The following NR4A2 variants were observed in gnomAD, a reference collection of about 807,000 sequenced individuals.
The protein encoded by NR4A2 is NGFI-B/nur77 beta-type transcription factor homolog.
A neutral mutation model predicts 50.5 loss-of-function variants in NR4A2; 1 was observed. That is an observed-to-expected ratio of 0.02 (90% CI 0.01 to 0.09). The LOEUF (loss-of-function observed/expected upper bound fraction) is 0.09. Among genes scored for constraint, NR4A2 ranks in the 10% least tolerant of loss-of-function variants. The pLI is 1.00. For missense variants in NR4A2, 613 were observed against 777.3 expected, an observed-to-expected ratio of 0.79 and a Z score of 2.51; for synonymous variants, 328 against 309.4, an observed-to-expected ratio of 1.06 and a Z score of -0.63.
Position 156,327,020 on chromosome 2 carries a change from A to G in NR4A2, c.1159-100T>C, listed in dbSNP as rs965408473. The stretch of plus-strand genomic sequence containing the variant: ...CTAATAGGGGAGCCAGGTTTTTATA[A>G]CAATTAAACCTCTCTCTGACCAGTA... On this transcript the variant is annotated intron_variant, in intron 5 of 7. Transcript: ENST00000339562. 2.8e-6 allele frequency: 3 copies of G among 1,065,348 alleles called. No individual in the cohort carries two copies. The African/African-American group carries it at 4.7e-5, about 17-fold the overall frequency. The allele number at this position is 1,065,348 out of a possible 1,614,324, so 66.0% of individuals were successfully genotyped here. A position where few individuals can be genotyped will look rare whatever the true frequency, so the allele number is the denominator to read the frequency against.
In NR4A2 at chr2:156,328,918, T is replaced by A. The variant is rs1686777220; in HGVS notation, c.865-385A>T. 6.6e-6 allele frequency among the ~76,000 whole-genome samples: 1 copy of A among 152,176 alleles called. No individual in the cohort carries two copies. Among genetic ancestry groups the A allele is most frequent in the Non-Finnish European group, 1.5e-5 (1 of 68,028 alleles). On this transcript the variant is annotated intron_variant, in intron 3 of 7. Transcript: ENST00000339562. This position sits in a 1 kb window ranked among gnomAD's most constrained non-coding sequence, Gnocchi z 4.9. ...CAATCAGGATGGCGAAATAAAGAGA[T>A]CACTTAATTTGACCATAGGGAATTC...
rs1686895816 is a variant in NR4A2, at chr2:156,330,933, C to G, written c.-126-142G>C. On this transcript the variant is annotated intron_variant, in intron 1 of 7. Coordinates refer to ENST00000339562, the MANE Select transcript of NR4A2 (RefSeq NM_006186.4). ...AGTGGGAAGCCTTTACCAAACATAGCACTTAAAATGAATGTATAAAAGAAA... is the reference window on the plus strand; with the variant it reads ...AGTGGGAAGCCTTTACCAAACATAGGACTTAAAATGAATGTATAAAAGAAA... 8.3e-6 allele frequency: 5 copies of G among 604,538 alleles called. No homozygotes were observed. In the African/African-American group the frequency reaches 9.5e-5, roughly 12 times the overall value. The allele number at this position is 604,538 out of a possible 1,614,324, so 37.4% of individuals were successfully genotyped here. A position where few individuals can be genotyped will look rare whatever the true frequency, so the allele number is the denominator to read the frequency against.
chr2:156,326,455 T>C lies in NR4A2; in HGVS notation c.1362-127A>G. On this transcript the variant is annotated intron_variant, in intron 6 of 7. Coordinates refer to ENST00000339562, the MANE Select transcript of NR4A2 (RefSeq NM_006186.4). The surrounding 1 kb of genome is among the most constrained non-coding windows in gnomAD (Gnocchi z 4.2). The stretch of plus-strand genomic sequence containing the variant: ...TAATTACTGAAGAGTTAATAAAATG[T>C]AGACCAGTGGACCTTGAAAGGGTTT... 1 of 972,472 alleles carries C rather than the reference T, an allele frequency of 1.0e-6. No individual in the cohort carries two copies. The highest frequency in any genetic ancestry group is 2.5e-5 in the East Asian group (1 of 39,522). The allele number at this position is 972,472 out of a possible 1,614,324, so 60.2% of individuals were successfully genotyped here.
chr2:156,325,773 T>C lies in NR4A2; in HGVS notation c.1768A>G (p.Lys590Glu), dbSNP rs1391354584. The C allele has an allele frequency of 6.2e-7, 1 of 1,614,154 alleles. No homozygotes were observed. The highest frequency in any genetic ancestry group is 1.7e-5 in the Admixed American group (1 of 60,034). The change falls in exon 8 of 8, where the codon AAA becomes GAA. Residue 590 changes from lysine to glutamate, a missense_variant. Coordinates refer to ENST00000339562, the MANE Select transcript of NR4A2 (RefSeq NM_006186.4). ...AAAGGTAAAGTGTCCAGGAAAAGTTTGTCAATTATTGCTGGCGGTGGCACC... is the reference window on the plus strand; with the variant it reads ...AAAGGTAAAGTGTCCAGGAAAAGTTCGTCAATTATTGCTGGCGGTGGCACC... ...DLVPPPAIID[K>E]LFLDTLPF
chr2:156,332,409 G>T (rs752781368), intron 1 of NR4A2, 71 bp downstream of exon 1: 82 of 1,210,246 alleles, frequency 6.8e-5, no homozygotes, highest in Non-Finnish European at 8.6e-5. Context: ...CCACACAAGT[G>T]GAAAGAAGAG....
Position 156,325,962 on chromosome 2 carries a change from G to A in NR4A2, c.1579C>T (p.Leu527=). The A allele has an allele frequency of 1.2e-6, 2 of 1,614,184 alleles. No homozygotes were observed. The highest frequency in any genetic ancestry group is 3.3e-4 in the Middle Eastern group (2 of 6,062). Residue 527 remains leucine, a synonymous_variant, in exon 8 of 8, where the codon CTG becomes TTG. Coordinates refer to ENST00000339562, the MANE Select transcript of NR4A2 (RefSeq NM_006186.4). ...GLKEPKRVEE[L]QNKIVNCLKD... ...AGACAATTTACAATCTTGTTTTGCAGTTCTTCCACTCTCTTGGGTTCCTTG... is the reference window on the plus strand; with the variant it reads ...AGACAATTTACAATCTTGTTTTGCAATTCTTCCACTCTCTTGGGTTCCTTG...
rs1686736025 is a variant in NR4A2, at chr2:156,328,074, G to C, written c.995-60C>G. 1 of 1,564,546 alleles carries C rather than the reference G, an allele frequency of 6.4e-7. No individual in the cohort carries two copies. The highest frequency in any genetic ancestry group is 8.7e-7 in the Non-Finnish European group (1 of 1,153,032). ...CGAGCCCAGGCCCAGCTGCTGCCTCGGTCCCTCCCCGGGGAAGGCCGCAGC... is the reference window on the plus strand; with the variant it reads ...CGAGCCCAGGCCCAGCTGCTGCCTCCGTCCCTCCCCGGGGAAGGCCGCAGC... On this transcript the variant is annotated intron_variant, in intron 4 of 7. Transcript: ENST00000339562. This position sits in a 1 kb window ranked among gnomAD's most constrained non-coding sequence, Gnocchi z 4.9.
chr2:156,332,601 T>C lies in NR4A2; in HGVS notation c.-248A>G, dbSNP rs1686983713. The C allele has an allele frequency of 5.3e-5, 43 of 806,240 alleles. 1 individual carries two copies. In the South Asian group the frequency reaches 6.0e-4, roughly 11 times the overall value. The allele number at this position is 806,240 out of a possible 1,614,324, so 49.9% of individuals were successfully genotyped here. ...GCTGGGCGAAGGGAACCCGGACACC[T>C]CACGGAGGGAGGGAGCAGGGACAGG... On this transcript the variant is annotated 5_prime_UTR_variant, in exon 1 of 8. Transcript: ENST00000339562.
At chr2:156,331,066 G>A (rs138841864) in intron 1 of NR4A2, among the ~76,000 whole-genome samples, 1 of 152,346 alleles carries the variant, frequency 6.6e-6, no homozygotes, top group African/African-American at 2.4e-5. Context: ...CATTTATGAT[G>A]TAATGAACTG....
rs141187633 is a variant in NR4A2, at chr2:156,329,824, G to A, written c.363C>T (p.Tyr121=). ...GCGTCGGGGGCGAGGAGGGCTTGTA[G>A]TAAACCGACCCGGAGTGCGGCATCA... ...EEMMPHSGSV[Y]YKPSSPPTPT... is the part of the protein sequence containing the mutation. Residue 121 remains tyrosine (Y), a synonymous_variant, in exon 3 of 8, where the codon TAC becomes TAT. Coordinates refer to ENST00000339562, the MANE Select transcript of NR4A2 (RefSeq NM_006186.4). The surrounding 1 kb of genome is among the most constrained non-coding windows in gnomAD (Gnocchi z 7.5). 1.4e-5 allele frequency: 23 copies of A among 1,614,176 alleles called. No homozygotes were observed. Among genetic ancestry groups the A allele is most frequent in the Non-Finnish European group, 1.9e-5 (23 of 1,180,020 alleles).
In NR4A2 at chr2:156,329,831, G is replaced by A; in HGVS notation, c.356C>T (p.Ser119Leu). The A allele has an allele frequency of 6.2e-7, 1 of 1,614,166 alleles. No individual in the cohort carries two copies. Among genetic ancestry groups the A allele is most frequent in the East Asian group, 2.2e-5 (1 of 44,880 alleles). Reference protein sequence around the residue: ...QSEEMMPHSGSVYYKPSSPPT... With the variant: ...QSEEMMPHSGLVYYKPSSPPT... Reference sequence around the variant, plus strand: ...GGGCGAGGAGGGCTTGTAGTAAACCGACCCGGAGTGCGGCATCATCTCCTC... The same window carrying A: ...GGGCGAGGAGGGCTTGTAGTAAACCAACCCGGAGTGCGGCATCATCTCCTC... The change falls in exon 3 of 8, where the codon TCG (serine) becomes TTG (leucine). Residue 119 changes from serine to leucine, a missense_variant. Coordinates refer to ENST00000339562, the MANE Select transcript of NR4A2 (RefSeq NM_006186.4). This position sits in a 1 kb window ranked among gnomAD's most constrained non-coding sequence, Gnocchi z 7.5.
chr2:156,325,826 C>T lies in NR4A2; in HGVS notation c.1715G>A (p.Arg572His). The change falls in exon 8 of 8, where the codon CGC (arginine) becomes CAC (histidine). Residue 572 changes from arginine to histidine, a missense_variant. Arg to His is a conservative substitution (Grantham distance 29). Coordinates refer to ENST00000339562, the MANE Select transcript of NR4A2 (RefSeq NM_006186.4). ...LRTLCTQGLQ[R>H]IFYLKLEDLV... is the part of the protein sequence containing the mutation. ...GTCTTCCAATTTCAGGTAGAAAATG[C>T]GCTGTAGCCCCTGTGTGCAAAGGGT... 2.5e-6 allele frequency: 4 copies of T among 1,614,136 alleles called. No individual in the cohort carries two copies. Among genetic ancestry groups the T allele is most frequent in the Non-Finnish European group, 3.4e-6 (4 of 1,180,028 alleles).
At chr2:156,327,002 G>A (rs1015725977) in intron 5 of NR4A2, 82 bp from the exon 6 acceptor site, 18 of 1,326,302 alleles carry the variant, frequency 1.4e-5, no homozygotes, top group East Asian at 6.9e-5. Flanking sequence ...TTTCTAATAG[G>A]GGAGCCAGGT....
At position 156,329,256 on chromosome 2, in the gene NR4A2, G is replaced by A. The variant is rs1488305205; in HGVS notation, c.864+67C>T. 5.1e-6 allele frequency: 8 copies of A among 1,560,900 alleles called. No homozygotes were observed. The highest frequency in any genetic ancestry group is 6.1e-6 in the Non-Finnish European group (7 of 1,151,860). Reference sequence around the variant, plus strand: ...CTGGGCTACTGGCACCAAGGCAGAGGGCACACTCCGAGGTCCCGGGCACTA... The same window carrying A: ...CTGGGCTACTGGCACCAAGGCAGAGAGCACACTCCGAGGTCCCGGGCACTA... On this transcript the variant is annotated intron_variant, in intron 3 of 7. Coordinates refer to ENST00000339562, the MANE Select transcript of NR4A2 (RefSeq NM_006186.4). The surrounding 1 kb of genome is among the most constrained non-coding windows in gnomAD (Gnocchi z 7.5).
At position 156,326,616 on chromosome 2, in the gene NR4A2, C is replaced by G; in HGVS notation, c.1361+102G>C. On this transcript the variant is annotated intron_variant, in intron 6 of 7. Coordinates refer to ENST00000339562, the MANE Select transcript of NR4A2 (RefSeq NM_006186.4). This position sits in a 1 kb window ranked among gnomAD's most constrained non-coding sequence, Gnocchi z 4.2. ...CTCCGACTTCCATTTCCTATTCTGT[C>G]TTTTTCTCTACCCCACCCTCTGGTT... 1 of 1,312,432 alleles carries G rather than the reference C, an allele frequency of 7.6e-7. No individual in the cohort carries two copies. 81.3% of individuals were successfully genotyped at this position (1,312,432 alleles called of 1,614,324 possible). A position where few individuals can be genotyped will look rare whatever the true frequency, so the allele number is the denominator to read the frequency against.
At position 156,326,829 on chromosome 2, in the gene NR4A2, A is replaced by G; in HGVS notation, c.1250T>C (p.Ile417Thr). ...AGGGATCTTCTCTGCCCAGCCCCGG[A>G]TGATCTCCATGGAGCCAGTCAGGAG... ...YDLLTGSMEI[I>T]RGWAEKIPGF... is the part of the protein sequence containing the mutation. The change falls in exon 6 of 8, where the codon ATC becomes ACC. Residue 417 changes from isoleucine to threonine, a missense_variant. Coordinates refer to ENST00000339562, the MANE Select transcript of NR4A2 (RefSeq NM_006186.4). This position sits in a 1 kb window ranked among gnomAD's most constrained non-coding sequence, Gnocchi z 4.2. 6.2e-7 allele frequency: 1 copy of G among 1,614,228 alleles called. No homozygotes were observed.
rs544832163 is a variant in NR4A2 at position 156,328,543 on chromosome 2, G to T, written c.865-10C>A. On this transcript the variant is annotated splice_polypyrimidine_tract_variant and intron_variant, in intron 3 of 7. Coordinates refer to ENST00000339562, the MANE Select transcript of NR4A2 (RefSeq NM_006186.4). This position sits in a 1 kb window ranked among gnomAD's most constrained non-coding sequence, Gnocchi z 4.9. ...TTTTTTGCACTGTGCGCTGCAAAAGGAGACAATATAGACCAACATTTTTTT... is the reference window on the plus strand; with the variant it reads ...TTTTTTGCACTGTGCGCTGCAAAAGTAGACAATATAGACCAACATTTTTTT... The T allele has an allele frequency of 6.2e-7, 1 of 1,614,210 alleles. No individual in the cohort carries two copies. The highest frequency in any genetic ancestry group is 1.1e-5 in the South Asian group (1 of 91,082).
Position 156,326,586 on chromosome 2 carries a change from C to A in NR4A2, c.1361+132G>T, listed in dbSNP as rs1686653088. On this transcript the variant is annotated intron_variant, in intron 6 of 7. Coordinates refer to ENST00000339562, the MANE Select transcript of NR4A2 (RefSeq NM_006186.4). This position sits in a 1 kb window ranked among gnomAD's most constrained non-coding sequence, Gnocchi z 4.2. ...TTTTTTTGTTTTCTTTCTTTTTCTTCCTTTCTCCGACTTCCATTTCCTATT... is the reference window on the plus strand; with the variant it reads ...TTTTTTTGTTTTCTTTCTTTTTCTTACTTTCTCCGACTTCCATTTCCTATT... 2.7e-6 allele frequency: 3 copies of A among 1,120,750 alleles called. No homozygotes were observed. Among genetic ancestry groups the A allele is most frequent in the Non-Finnish European group, 2.6e-6 (2 of 763,658 alleles). 69.4% of individuals were successfully genotyped at this position (1,120,750 alleles called of 1,614,324 possible). A position where few individuals can be genotyped will look rare whatever the true frequency, so the allele number is the denominator to read the frequency against.
Position 156,325,653 on chromosome 2 carries a change from G to A in NR4A2, c.*91C>T. On this transcript the variant is annotated 3_prime_UTR_variant, in exon 8 of 8. Transcript: ENST00000339562. ...ATGGGGGGCAGCTTGAGCTGAGACT[G>A]CTCACACGGCTATCTCTGCCCATGT... The A allele has an allele frequency of 6.6e-7, 1 of 1,511,040 alleles. No homozygotes were observed. 93.6% of individuals were successfully genotyped at this position (1,511,040 alleles called of 1,614,324 possible). A position where few individuals can be genotyped will look rare whatever the true frequency, so the allele number is the denominator to read the frequency against.
Sources: allele counts gnomAD v4.1 joint callset (sites outside exome capture counted in the v4.1 genomes callset), GRCh38; gene constraint gnomAD v4.1.1; non-coding constraint Gnocchi (gnomAD v3.1); transcripts MANE v1.5; gene names NCBI Gene and HGNC (gene_info 2026-07-23, HGNC 2026-07-21).